The following GRID1 variants were observed in gnomAD, a reference collection of about 807,000 sequenced individuals.
The protein encoded by GRID1 is glutamate ionotropic receptor delta type subunit 1.
In GRID1, 28 loss-of-function variants were observed where a neutral mutation model predicts 98.0. That is an observed-to-expected ratio of 0.29 (90% CI 0.21 to 0.39). The LOEUF is 0.39. Ranked by LOEUF, GRID1 falls within the 10% of genes least tolerant of loss-of-function variation. The pLI is 1.00. For missense variants in GRID1, 1,111 were observed against 1,340.5 expected (o/e 0.83, Z 2.67); for synonymous variants, 553 against 538.5 (o/e 1.03, Z -0.37).
At chr10:85,678,466 G>A (rs913825945) in intron 12 of GRID1, among the ~76,000 whole-genome samples, 4 of 152,156 alleles carry the variant, frequency 2.6e-5, no homozygotes, top group Non-Finnish European at 4.4e-5. Flanking sequence ...ACTGGGAAGA[G>A]TGGACTTCCC....
chr10:86,134,164 C>G (rs1844880108), intron 4 of GRID1, among the ~76,000 whole-genome samples: 1 of 152,244 alleles, frequency 6.6e-6, no homozygotes. Flanking sequence ...CTGCCAGCCA[C>G]TGGAATGCCC....
chr10:86,044,145 A>G (rs1006182557), intron 4 of GRID1, among the ~76,000 whole-genome samples: 1 of 152,192 alleles, frequency 6.6e-6, no homozygotes, highest in Admixed American at 6.5e-5. Flanking sequence ...AATGAACTAC[A>G]CTGTGTTAAA....
chr10:86,107,163 A>G (rs920405199), intron 4 of GRID1, among the ~76,000 whole-genome samples: 1 of 152,212 alleles, frequency 6.6e-6, no homozygotes, highest in Non-Finnish European at 1.5e-5. Flanking sequence ...CTCACTGAGT[A>G]TTAGCGCTTT....
rs111812283 is a variant in GRID1 at position 85,852,156 on chromosome 10, C to T, written c.1233+2340G>A. On this transcript the variant is annotated intron_variant, in intron 8 of 15. Coordinates refer to ENST00000327946, the MANE Select transcript of GRID1 (RefSeq NM_017551.3). ...TTTCCAGATAACTTCCCCTTAGCAGCGATAAGCTGCTAGGCAGACAGATAA... is the reference window on the plus strand; with the variant it reads ...TTTCCAGATAACTTCCCCTTAGCAGTGATAAGCTGCTAGGCAGACAGATAA... Among the ~76,000 whole-genome samples the T allele has an allele frequency of 2.5e-3, 385 of 152,278 alleles. 3 individuals carry two copies. Among genetic ancestry groups the T allele is most frequent in the African/African-American group, 8.8e-3 (367 of 41,562 alleles).
intron 4 of GRID1, among the ~76,000 whole-genome samples, chr10:86,108,577 C>A (rs1844428999): frequency 6.6e-6 from 1 of 152,168 alleles, no homozygotes; most frequent in South Asian, 2.1e-4. Flanking sequence ...AGCTCCATCT[C>A]CCCAAAAGAG....
chr10:86,332,200 T>C (rs536115233), intron 2 of GRID1, among the ~76,000 whole-genome samples: 4 of 152,298 alleles, frequency 2.6e-5, no homozygotes, highest in African/African-American at 9.6e-5. Context: ...CTGGATTGGC[T>C]TCCTAACAGC....
chr10:85,988,420 C>T (rs948314342), intron 4 of GRID1, among the ~76,000 whole-genome samples: 2 of 152,134 alleles, frequency 1.3e-5, no homozygotes, highest in African/African-American at 4.8e-5. Flanking sequence ...AGTCTAGAAG[C>T]TCTGTAACTA....
chr10:86,131,773 T>C (rs1203266871), intron 4 of GRID1, among the ~76,000 whole-genome samples: 1 of 152,186 alleles, frequency 6.6e-6, no homozygotes, highest in African/African-American at 2.4e-5. Context: ...ACTTGGGCAC[T>C]CCTGCTTGGC....
At chr10:85,996,195 A>G (rs1842736814) in intron 4 of GRID1, among the ~76,000 whole-genome samples, 1 of 152,252 alleles carries the variant, frequency 6.6e-6, no homozygotes, top group African/African-American at 2.4e-5. Context: ...ATTGCTCAGA[A>G]TAAGAACAAG....
At chr10:86,251,448 C>T (rs565984707) in intron 2 of GRID1, among the ~76,000 whole-genome samples, 2 of 152,236 alleles carry the variant, frequency 1.3e-5, no homozygotes, top group East Asian at 3.9e-4. Context: ...CATGGCTGGT[C>T]CTCATACCCG....
chr10:85,799,372 T>C (rs1478125940), intron 8 of GRID1, among the ~76,000 whole-genome samples: 1 of 152,116 alleles, frequency 6.6e-6, no homozygotes. Context: ...CTTCTATATA[T>C]GAAAAATGAT....
intron 2 of GRID1, among the ~76,000 whole-genome samples, chr10:86,229,465 T>C (rs1846413529): frequency 2.0e-5 from 3 of 152,210 alleles, no homozygotes; most frequent in African/African-American, 7.2e-5. Context: ...AACGGGCTAA[T>C]AATAGCCCCG....
At chr10:85,876,309 T>C (rs1469038656) in intron 5 of GRID1, among the ~76,000 whole-genome samples, 2 of 152,132 alleles carry the variant, frequency 1.3e-5, no homozygotes, top group Non-Finnish European at 2.9e-5. Flanking sequence ...TTCCAGCTTC[T>C]GGTGGCCGTC....
At chr10:85,913,882 C>A (rs1268443566) in intron 5 of GRID1, among the ~76,000 whole-genome samples, 1 of 152,192 alleles carries the variant, frequency 6.6e-6, no homozygotes, top group Non-Finnish European at 1.5e-5. Context: ...AGATGAGGCT[C>A]CCTGGAGGCC....
At chr10:85,799,794 A>T (rs1446442186) in intron 8 of GRID1, among the ~76,000 whole-genome samples, 1 of 152,038 alleles carries the variant, frequency 6.6e-6, no homozygotes, top group African/African-American at 2.4e-5. Context: ...TCTGGTGCTC[A>T]GTTGCATAGT....
intron 4 of GRID1, among the ~76,000 whole-genome samples, chr10:86,087,514 G>GTC (rs1195820671): frequency 6.7e-6 from 1 of 150,300 alleles, no homozygotes; most frequent in African/African-American, 2.4e-5. Context: ...GTGTGTCTGT[G>GTC]TGTGTGTGTG....
At chr10:85,845,838 C>A (rs74148823) in intron 8 of GRID1, among the ~76,000 whole-genome samples, 2,807 of 152,180 alleles carry the variant, frequency 0.018, 90 homozygotes, top group African/African-American at 0.064. Flanking sequence ...ATCTTACTAA[C>A]ATAATGTTGA....
intron 4 of GRID1, among the ~76,000 whole-genome samples, chr10:86,017,754 T>C (rs1472170051): frequency 1.3e-5 from 2 of 152,196 alleles, no homozygotes; most frequent in Non-Finnish European, 2.9e-5. Context: ...TTGTGAATGA[T>C]TAGTAGTTCT....
In GRID1 at chr10:86,365,094, C is replaced by T. The variant is rs539344673; in HGVS notation, c.80-998G>A. Among the ~76,000 whole-genome samples the T allele has an allele frequency of 1.1e-3, 175 of 152,192 alleles. No homozygotes were observed. Among genetic ancestry groups the T allele is most frequent in the Middle Eastern group, 0.01 (3 of 292 alleles). On this transcript the variant is annotated intron_variant, in intron 1 of 15. Transcript: ENST00000327946. This position sits in a 1 kb window ranked among gnomAD's most constrained non-coding sequence, Gnocchi z 4.8. ...GGGGCTGGGTAGGAGGAGGGAGGCC[C>T]GGATTCCTCACTACACCCGGAGCCG... is the stretch of plus-strand genomic sequence containing the variant.
Sources: allele counts gnomAD v4.1 joint callset (sites outside exome capture counted in the v4.1 genomes callset), GRCh38; gene constraint gnomAD v4.1.1; non-coding constraint Gnocchi (gnomAD v3.1); transcripts MANE v1.5; gene names NCBI Gene and HGNC (gene_info 2026-07-23, HGNC 2026-07-21).